Variants in KLRG2 observed in about 807,000 individuals in gnomAD.
The protein encoded by KLRG2 is killer cell lectin like receptor G2, also known as killer cell lectin-like receptor subfamily G member 2.
KLRG2 carries 39 observed loss-of-function variants against 35.4 expected under a neutral mutation model. The ratio of observed to expected loss-of-function variants is 1.10; its 90% CI spans 0.85 to 1.44. The LOEUF (loss-of-function observed/expected upper bound fraction) is 1.44, where lower values mean the gene tolerates loss of function less well. Ranked by LOEUF, KLRG2 falls within the 40% of genes most tolerant of loss-of-function variation. KLRG2 has a pLI of 0.00. For synonymous variants in KLRG2, 283 were observed against 265.8 expected (o/e 1.06, Z -0.63); for missense variants, 632 against 570.9 (o/e 1.11, Z -1.09).
At chr7:139,448,652 C>T (rs902998815), downstream of KLRG2, 1 of 151,696 alleles carries the variant, frequency 6.6e-6, no homozygotes, top group African/African-American at 2.4e-5. Flanking sequence ...AAGATTGCGC[C>T]ACTGCACTCC....
Position 139,461,281 on chromosome 7 carries a change from C to T in KLRG2, c.1006-7067G>A, listed in dbSNP as rs1172284290. Among the ~76,000 whole-genome samples the T allele has an allele frequency of 2.6e-5, 4 of 152,096 alleles. No individual in the cohort carries two copies. In the East Asian group the frequency reaches 7.7e-4, roughly 29 times the overall value. ...GAGAGAGAGAGAAATGTGGGGGACA[C>T]ACCTAAACCATAGCAGCAGTGTTGG... On this transcript the variant is annotated intron_variant, in intron 3 of 4. Coordinates refer to ENST00000340940, the MANE Select transcript of KLRG2 (RefSeq NM_198508.4).
intron 3 of KLRG2, among the ~76,000 whole-genome samples, chr7:139,476,454 T>TC (rs1796851928): frequency 6.6e-6 from 1 of 151,802 alleles, no homozygotes; most frequent in Non-Finnish European, 1.5e-5. Context: ...TTTTTTTTTT[T>TC]TCCTTGAGAC....
chr7:139,466,334 A>G (rs532990483), intron 3 of KLRG2, among the ~76,000 whole-genome samples: 7 of 152,266 alleles, frequency 4.6e-5, no homozygotes, highest in Admixed American at 4.6e-4. Context: ...TCTGTCAGAC[A>G]TAATTCCTCG....
At chr7:139,474,910 ATC>A (rs376828900) in intron 3 of KLRG2, among the ~76,000 whole-genome samples, 1 of 152,174 alleles carries the variant, frequency 6.6e-6, no homozygotes, top group Non-Finnish European at 1.5e-5. Flanking sequence ...AGGAAATAGA[ATC>A]TCTCTCTCTG....
intron 3 of KLRG2, among the ~76,000 whole-genome samples, chr7:139,479,171 C>T (rs1046172190): frequency 4.6e-5 from 7 of 152,244 alleles, no homozygotes; most frequent in Admixed American, 4.6e-4. Context: ...CAACCTCTGC[C>T]TCCCAGGTTC....
chr7:139,478,690 A>G (rs1204523426), intron 3 of KLRG2, among the ~76,000 whole-genome samples: 1 of 152,070 alleles, frequency 6.6e-6, no homozygotes, highest in Non-Finnish European at 1.5e-5. Context: ...AAAAAGGAAA[A>G]CAAAATTATG....
intron 2 of KLRG2, 58 bp from the exon 3 acceptor site, chr7:139,479,830 C>A: frequency 6.4e-7 from 1 of 1,556,816 alleles, no homozygotes; most frequent in Non-Finnish European, 8.7e-7. Flanking sequence ...ATAAACAAAG[C>A]CTGGCTGCTG....
At chr7:139,449,002 G>A (rs1272496716), downstream of KLRG2, among the ~76,000 whole-genome samples, 6 of 150,674 alleles carry the variant, frequency 4.0e-5, no homozygotes, top group Non-Finnish European at 5.9e-5. Context: ...AGCTACTCGG[G>A]GGGCTGAGGC....
intron 3 of KLRG2, among the ~76,000 whole-genome samples, chr7:139,459,371 G>A (rs544167806): frequency 2.6e-5 from 4 of 152,214 alleles, no homozygotes; most frequent in Non-Finnish European, 5.9e-5. Flanking sequence ...TAAGTAATGG[G>A]ATGAACTATG....
intron 3 of KLRG2, among the ~76,000 whole-genome samples, chr7:139,455,234 G>T (rs1203853402): frequency 1.3e-5 from 2 of 151,852 alleles, no homozygotes; most frequent in Admixed American, 6.6e-5. Context: ...GCCTAGGCTG[G>T]TCTTGAGCTC....
chr7:139,436,367 C>T, the KLRG2 span, among the ~76,000 whole-genome samples: 1 of 152,014 alleles, frequency 6.6e-6, no homozygotes, highest in East Asian at 1.9e-4. Flanking sequence ...TGCAGTCACA[C>T]GAATGTTTTA....
At chr7:139,433,356 T>C in the KLRG2 span, among the ~76,000 whole-genome samples, 2 of 151,990 alleles carry the variant, frequency 1.3e-5, no homozygotes, top group Non-Finnish European at 2.9e-5. Context: ...GGAGATGTAA[T>C]TTCTTGTTGC....
At chr7:139,460,661 TA>T (rs879646560) in intron 3 of KLRG2, among the ~76,000 whole-genome samples, 435 of 138,530 alleles carry the variant, frequency 3.1e-3, no homozygotes, top group Non-Finnish European at 3.5e-3. Context: ...AGACCCTGTC[TA>T]AAAAAAAAAA....
At chr7:139,435,476 C>T in the KLRG2 span, among the ~76,000 whole-genome samples, 308 of 152,100 alleles carry the variant, frequency 2.0e-3, 4 homozygotes, top group African/African-American at 7.2e-3. Flanking sequence ...GGTGACAGAG[C>T]GAGACTCCGT....
downstream of KLRG2, among the ~76,000 whole-genome samples, chr7:139,448,083 C>T (rs141285929): frequency 4.1e-3 from 625 of 152,274 alleles, 4 homozygotes; most frequent in African/African-American, 0.014. Context: ...CAGCCTCAAC[C>T]TCCTAGGCTC....
At chr7:139,450,215 GTTTTT>G (rs1261869139), downstream of KLRG2, among the ~76,000 whole-genome samples, 7 of 139,514 alleles carry the variant, frequency 5.0e-5, no homozygotes, top group African/African-American at 1.8e-4. Flanking sequence ...GCTAATGTTT[GTTTTT>G]TTTTTTGTTT....
chr7:139,456,878 A>T (rs1297259804), intron 3 of KLRG2, among the ~76,000 whole-genome samples: 1 of 152,138 alleles, frequency 6.6e-6, no homozygotes, highest in Non-Finnish European at 1.5e-5. Context: ...GCATCGCACT[A>T]TGATAACCCA....
the KLRG2 span, among the ~76,000 whole-genome samples, chr7:139,438,095 A>G: frequency 3.9e-5 from 6 of 152,248 alleles, no homozygotes; most frequent in Non-Finnish European, 8.8e-5. Context: ...CTGGAGGACA[A>G]TGAAGGACAC....
the KLRG2 span, among the ~76,000 whole-genome samples, chr7:139,437,928 A>G: frequency 6.6e-6 from 1 of 151,824 alleles, no homozygotes; most frequent in Non-Finnish European, 1.5e-5. Flanking sequence ...GGACTCCCCC[A>G]CCCCTGCCCA....
Sources: allele counts gnomAD v4.1 joint callset (sites outside exome capture counted in the v4.1 genomes callset), GRCh38; gene constraint gnomAD v4.1.1; transcripts MANE v1.5; gene names NCBI Gene and HGNC (gene_info 2026-07-23, HGNC 2026-07-21).